The following NEGR1 variants were observed in gnomAD, a reference collection of about 807,000 sequenced individuals.
NEGR1 encodes the protein neuronal growth regulator 1, also known as IgLON family member 4.
In NEGR1, 10 loss-of-function variants were observed where a neutral mutation model predicts 40.9. The observed-to-expected ratio is 0.24, with a 90% confidence interval of 0.15 to 0.42. The LOEUF is 0.42. Ranked by LOEUF, NEGR1 falls within the 10% of genes least tolerant of loss-of-function variation. The pLI, the probability that NEGR1 is intolerant of heterozygous loss-of-function variation, is 1.00. For missense variants in NEGR1, 352 were observed against 438.9 expected (o/e 0.80, Z 1.77); for synonymous variants, 185 against 166.8 (o/e 1.11, Z -0.84).
At chr1:72,277,842 A>G (rs1334330799) in intron 1 of NEGR1, among the ~76,000 whole-genome samples, 4 of 152,158 alleles carry the variant, frequency 2.6e-5, no homozygotes, top group African/African-American at 9.7e-5. Flanking sequence ...TGTAGGAATA[A>G]CTCAACAGAA....
At chr1:71,606,951 A>G (rs972090413) in intron 5 of NEGR1, among the ~76,000 whole-genome samples, 1 of 152,102 alleles carries the variant, frequency 6.6e-6, no homozygotes, top group Middle Eastern at 3.2e-3. Flanking sequence ...TTATTTGTTT[A>G]TGTTTATCTG....
chr1:72,230,182 T>A (rs1461370969), intron 1 of NEGR1, among the ~76,000 whole-genome samples: 3 of 152,254 alleles, frequency 2.0e-5, no homozygotes, highest in Admixed American at 2.0e-4. Flanking sequence ...TGGAGTTACC[T>A]ATCTCCCTCA....
intron 4 of NEGR1, among the ~76,000 whole-genome samples, chr1:71,666,922 C>T (rs1652263259): frequency 6.6e-6 from 1 of 152,174 alleles, no homozygotes; most frequent in Non-Finnish European, 1.5e-5. Context: ...CTCATGACCT[C>T]ATACTTAACC....
chr1:72,032,743 T>A (rs1646870030), intron 1 of NEGR1, among the ~76,000 whole-genome samples: 1 of 152,180 alleles, frequency 6.6e-6, no homozygotes, highest in African/African-American at 2.4e-5. Context: ...CATTTTAGCA[T>A]ATAGCAGCAG....
At chr1:72,127,917 CA>C (rs1426486867) in intron 1 of NEGR1, among the ~76,000 whole-genome samples, 1 of 151,484 alleles carries the variant, frequency 6.6e-6, no homozygotes, top group Non-Finnish European at 1.5e-5. Context: ...ACAAAACAAA[CA>C]AAAAAGAAAA....
chr1:71,575,819 A>AAAAG (rs1648949562), intron 6 of NEGR1, among the ~76,000 whole-genome samples: 1 of 129,846 alleles, frequency 7.7e-6, no homozygotes, highest in Non-Finnish European at 1.8e-5. Context: ...CAAAACAAAA[A>AAAAG]CAAAAAACAA....
At chr1:71,688,191 G>T (rs1306708630) in intron 4 of NEGR1, among the ~76,000 whole-genome samples, 1 of 150,106 alleles carries the variant, frequency 6.7e-6, no homozygotes, top group Non-Finnish European at 1.5e-5. Context: ...AAGTCTGCAT[G>T]GTCGTAAGTG....
rs185841608 is a variant in NEGR1, at chr1:71,822,407, C to T, written c.410-46110G>A. On this transcript the variant is annotated intron_variant, in intron 2 of 6. Transcript: ENST00000357731. Reference sequence around the variant, plus strand: ...ATCTAGCCAGCTACTGCCAGCTAGCCGCTATCATTGATTTCATGAGTGCTG... The same window carrying T: ...ATCTAGCCAGCTACTGCCAGCTAGCTGCTATCATTGATTTCATGAGTGCTG... Among the ~76,000 whole-genome samples, 13 of 152,078 alleles carry T rather than the reference C, an allele frequency of 8.5e-5. No individual in the cohort carries two copies. In the East Asian group the frequency reaches 2.1e-3, roughly 25 times the overall value.
chr1:71,522,485 G>T (rs1458519091), intron 6 of NEGR1, among the ~76,000 whole-genome samples: 1 of 151,722 alleles, frequency 6.6e-6, no homozygotes, highest in Non-Finnish European at 1.5e-5. Context: ...TTAAGTGGAG[G>T]AGAGTGGTAG....
chr1:71,688,339 T>TATATATATATAG (rs1266139727), intron 4 of NEGR1, among the ~76,000 whole-genome samples: 1 of 64,926 alleles, frequency 1.5e-5, no homozygotes, highest in Non-Finnish European at 3.1e-5. Context: ...GATAGATAGA[T>TATATATATATAG]AGATAGATAG....
Position 72,100,521 on chromosome 1 carries a change from G to T in NEGR1, c.177-165210C>A, listed in dbSNP as rs181730558. Among the ~76,000 whole-genome samples, 12 of 152,220 alleles carry T rather than the reference G, an allele frequency of 7.9e-5. No homozygotes were observed. The East Asian group carries it at 2.3e-3, about 29-fold the overall frequency. Reference sequence around the variant, plus strand: ...CATAGATGTTTTAGTACATAATCTGGACTAACAGTGACCACATTAATGTAA... The same window carrying T: ...CATAGATGTTTTAGTACATAATCTGTACTAACAGTGACCACATTAATGTAA... On this transcript the variant is annotated intron_variant, in intron 1 of 6. Transcript: ENST00000357731.
chr1:71,553,042 T>C (rs972927180), intron 6 of NEGR1, among the ~76,000 whole-genome samples: 4 of 150,568 alleles, frequency 2.7e-5, no homozygotes, highest in African/African-American at 9.9e-5. Flanking sequence ...TTGAGTCAGG[T>C]TGTAAAAATG....
chr1:71,653,790 G>A (rs1451488695), intron 4 of NEGR1, among the ~76,000 whole-genome samples: 2 of 151,682 alleles, frequency 1.3e-5, no homozygotes, highest in Non-Finnish European at 2.9e-5. Context: ...AACATTTCAA[G>A]ATATATATTA....
intron 1 of NEGR1, among the ~76,000 whole-genome samples, chr1:72,144,368 T>C (rs1469379103): frequency 1.3e-5 from 2 of 151,892 alleles, no homozygotes; most frequent in Non-Finnish European, 2.9e-5. Flanking sequence ...CCAATGCTAT[T>C]TGCCTTTGAG....
chr1:71,888,353 T>C (rs980648986), intron 2 of NEGR1, among the ~76,000 whole-genome samples: 1 of 151,970 alleles, frequency 6.6e-6, no homozygotes. Context: ...CAGGCCAGTG[T>C]GTGCGCCCAC....
At chr1:71,614,504 C>T (rs936043983) in intron 4 of NEGR1, among the ~76,000 whole-genome samples, 25 of 152,136 alleles carry the variant, frequency 1.6e-4, no homozygotes, top group African/African-American at 6.0e-4. Flanking sequence ...TGACACTGCT[C>T]ATGACAGGTA....
intron 6 of NEGR1, among the ~76,000 whole-genome samples, chr1:71,478,867 A>C (rs985297611): frequency 1.3e-5 from 2 of 151,990 alleles, no homozygotes. Context: ...AGATAGGGAA[A>C]AAAAAATCTT....
chr1:71,887,591 G>C (rs560031109), intron 2 of NEGR1, among the ~76,000 whole-genome samples: 2 of 152,230 alleles, frequency 1.3e-5, no homozygotes, highest in East Asian at 3.9e-4. Flanking sequence ...GCAGTGATCA[G>C]ATTAGAGTAA....
intron 4 of NEGR1, among the ~76,000 whole-genome samples, chr1:71,647,605 A>C (rs565649136): frequency 6.6e-6 from 1 of 152,068 alleles, no homozygotes; most frequent in South Asian, 2.1e-4. Context: ...CTGACAAGCC[A>C]CAGTGACCAT....
Sources: gnomAD v4.1 joint callset for allele counts (sites outside exome capture counted in the v4.1 genomes callset) on GRCh38, gnomAD v4.1.1 for gene constraint, MANE v1.5 for transcripts, NCBI Gene and HGNC (gene_info 2026-07-23, HGNC 2026-07-21) for gene names.